Variants in SLC35F1 observed in about 807,000 individuals in gnomAD.
SLC35F1 encodes the protein chromosome 6 open reading frame 169.
Under a neutral mutation model 48.7 loss-of-function variants are expected in SLC35F1, and 14 were observed. That is an observed-to-expected ratio of 0.29 (90% confidence interval 0.19 to 0.45). SLC35F1 has a LOEUF of 0.45. SLC35F1 is among the 20% of genes least tolerant of loss of function. The pLI, the probability that SLC35F1 is intolerant of heterozygous loss-of-function variation, is 1.00. For synonymous variants in SLC35F1, 190 were observed against 202.2 expected, an observed-to-expected ratio of 0.94 and a Z score of 0.51; for missense variants, 404 against 500.0, an observed-to-expected ratio of 0.81 and a Z score of 1.83.
chr6:117,907,418 C>A lies in SLC35F1; in HGVS notation c.-309C>A, dbSNP rs1348119259. ...CCGGCAGCTCCGCGCCCCCGCGCGA[C>A]ACCCTTCGCAGCCACTTCGCGGGGC... On this transcript the variant is annotated 5_prime_UTR_variant, in exon 1 of 8. Coordinates refer to ENST00000360388, the MANE Select transcript of SLC35F1 (RefSeq NM_001029858.4). The A allele has an allele frequency of 4.9e-6, 1 of 202,360 alleles. No individual in the cohort carries two copies. The highest frequency in any genetic ancestry group is 2.3e-5 in the African/African-American group (1 of 42,866). The allele number at this position is 202,360 out of a possible 1,614,324, so 12.5% of individuals were successfully genotyped here.
chr6:118,250,832 C>T (rs1246261797), intron 3 of SLC35F1, among the ~76,000 whole-genome samples: 2 of 151,802 alleles, frequency 1.3e-5, no homozygotes, highest in Non-Finnish European at 2.9e-5. Flanking sequence ...AAAAGCCGGA[C>T]GTGGTGGTGC....
intron 1 of SLC35F1, among the ~76,000 whole-genome samples, chr6:118,083,197 G>C (rs547605023): frequency 6.6e-6 from 1 of 152,230 alleles, no homozygotes; most frequent in South Asian, 2.1e-4. Flanking sequence ...ATGGCCCATT[G>C]GGAAGGATAT....
intron 7 of SLC35F1, among the ~76,000 whole-genome samples, chr6:118,296,693 G>A (rs1048918318): frequency 6.6e-6 from 1 of 152,194 alleles, no homozygotes; most frequent in African/African-American, 2.4e-5. Context: ...AAGCTGTGAG[G>A]AAAGATTGAA....
chr6:118,087,161 G>A (rs1773003554), intron 1 of SLC35F1, among the ~76,000 whole-genome samples: 1 of 152,080 alleles, frequency 6.6e-6, no homozygotes, highest in Admixed American at 6.5e-5. Flanking sequence ...CCAGGTGTCA[G>A]CAGGATTGGT....
intron 1 of SLC35F1, among the ~76,000 whole-genome samples, chr6:118,013,799 A>G (rs1325889811): frequency 6.6e-6 from 1 of 152,198 alleles, no homozygotes; most frequent in African/African-American, 2.4e-5. Flanking sequence ...GGACAAATCC[A>G]TCCAACTATT....
intron 7 of SLC35F1, among the ~76,000 whole-genome samples, chr6:118,301,308 T>C (rs1389636857): frequency 1.3e-5 from 2 of 152,218 alleles, no homozygotes; most frequent in Non-Finnish European, 1.5e-5. Context: ...AAATGTCAAC[T>C]CTATGTCTCA....
At chr6:118,018,458 C>T (rs1777351696) in intron 1 of SLC35F1, among the ~76,000 whole-genome samples, 2 of 152,058 alleles carry the variant, frequency 1.3e-5, no homozygotes, top group South Asian at 2.1e-4. Flanking sequence ...CTTTTATGTA[C>T]ATATATATTC....
intron 2 of SLC35F1, among the ~76,000 whole-genome samples, chr6:118,188,685 TTG>T (rs1365345902): frequency 6.6e-6 from 1 of 152,196 alleles, no homozygotes; most frequent in Admixed American, 6.5e-5. Flanking sequence ...TAATATCTCA[TTG>T]TATATATACA....
rs559517066 is a variant in SLC35F1, at chr6:118,299,388, G to C, written c.1002+14050G>C. ...ATTCCAGCTCCACTTCCTACCAATG[G>C]GTCCATAAATTTGTTGTGCCATGGC... is the stretch of plus-strand genomic sequence containing the variant. On this transcript the variant is annotated intron_variant, in intron 7 of 7. Transcript: ENST00000360388. Among the ~76,000 whole-genome samples the C allele has an allele frequency of 1.4e-4, 22 of 152,152 alleles. No individual in the cohort carries two copies. The East Asian group carries it at 1.5e-3, about 11-fold the overall frequency.
At chr6:118,057,736 G>A (rs12665511) in intron 1 of SLC35F1, among the ~76,000 whole-genome samples, 6,018 of 152,150 alleles carry the variant, frequency 0.04, 189 homozygotes, top group African/African-American at 0.08. Context: ...TCTGTTTTTT[G>A]TCTCCAGTAT....
intron 3 of SLC35F1, among the ~76,000 whole-genome samples, chr6:118,245,080 A>C (rs1775489992): frequency 6.6e-6 from 1 of 152,234 alleles, no homozygotes; most frequent in Non-Finnish European, 1.5e-5. Context: ...TCTCCGAAGA[A>C]GCTTTAAGTA....
intron 2 of SLC35F1, among the ~76,000 whole-genome samples, chr6:118,234,427 A>G (rs1775335483): frequency 6.6e-6 from 1 of 152,166 alleles, no homozygotes; most frequent in African/African-American, 2.4e-5. Context: ...AGTACTGTAC[A>G]AAGGTCCTTG....
intron 3 of SLC35F1, among the ~76,000 whole-genome samples, chr6:118,248,645 G>T (rs1775536890): frequency 6.6e-6 from 1 of 152,184 alleles, no homozygotes; most frequent in Admixed American, 6.5e-5. Context: ...GTCTCCTAGA[G>T]CCTACAGAAG....
intron 2 of SLC35F1, among the ~76,000 whole-genome samples, chr6:118,171,201 T>C (rs1774399193): frequency 6.6e-6 from 1 of 152,098 alleles, no homozygotes; most frequent in Non-Finnish European, 1.5e-5. Flanking sequence ...TATGCCCTGA[T>C]AATTTTTATA....
chr6:118,198,836 CT>C (rs754574905), intron 2 of SLC35F1, among the ~76,000 whole-genome samples: 4 of 152,190 alleles, frequency 2.6e-5, no homozygotes, highest in Non-Finnish European at 5.9e-5. Flanking sequence ...TTACTAATTC[CT>C]GCTTAGTTTC....
intron 1 of SLC35F1, among the ~76,000 whole-genome samples, chr6:118,080,097 C>T (rs369806319): frequency 6.6e-6 from 1 of 152,192 alleles, no homozygotes; most frequent in Non-Finnish European, 1.5e-5. Context: ...AGCCTCAAAG[C>T]TGAGCTCCAA....
chr6:118,275,703 G>C (rs1398596609), intron 5 of SLC35F1, 88 bp downstream of exon 5: 10 of 1,328,216 alleles, frequency 7.5e-6, no homozygotes, highest in African/African-American at 1.5e-5. Flanking sequence ...TAAAAATCAA[G>C]GCTGGAATCC....
At chr6:118,121,867 A>G (rs570126374) in intron 1 of SLC35F1, among the ~76,000 whole-genome samples, 9 of 152,174 alleles carry the variant, frequency 5.9e-5, no homozygotes, top group Non-Finnish European at 1.0e-4. Flanking sequence ...AAATTATTAG[A>G]TGATTTAATG....
At chr6:118,069,072 T>TA (rs1450307791) in intron 1 of SLC35F1, among the ~76,000 whole-genome samples, 5 of 152,116 alleles carry the variant, frequency 3.3e-5, no homozygotes, top group East Asian at 3.9e-4. Context: ...GTTAAGAGAA[T>TA]AAAAAAATGA....
Sources: gnomAD v4.1 joint callset for allele counts (sites outside exome capture counted in the v4.1 genomes callset) on GRCh38, gnomAD v4.1.1 for gene constraint, MANE v1.5 for transcripts, NCBI Gene and HGNC (gene_info 2026-07-23, HGNC 2026-07-21) for gene names.